BBS2: variants seen among roughly 807,000 people sequenced by gnomAD.
BBS2 encodes the protein Bardet-Biedl syndrome 2.
Under a neutral mutation model 83.0 loss-of-function variants are expected in BBS2, and 62 were observed. The observed-to-expected ratio is 0.75, with a 90% CI of 0.61 to 0.92. The LOEUF (loss-of-function observed/expected upper bound fraction) is 0.92, where lower values mean the gene tolerates loss of function less well. BBS2 is among the 40% of genes least tolerant of loss of function. BBS2 has a pLI of 0.00. For synonymous variants in BBS2, 303 were observed against 326.1 expected (o/e 0.93, Z 0.76); for missense variants, 784 against 901.0 (o/e 0.87, Z 1.66).
At chr16:56,474,704 A>T in intron 17 of BBS2, 1 of 698,322 alleles carries the variant, frequency 1.4e-6, no homozygotes, top group Non-Finnish European at 2.3e-6. Context: ...TAGCACTTCA[A>T]TCAAAGGTTT....
At chr16:56,502,091 T>C (rs1201785370) in intron 9 of BBS2, 5 of 624,312 alleles carry the variant, frequency 8.0e-6, no homozygotes, top group South Asian at 1.8e-5. Context: ...TATAAATAAA[T>C]AGTGCTGCAG....
intron 2 of BBS2, among the ~76,000 whole-genome samples, chr16:56,511,662 A>G (rs1195039921): frequency 6.6e-6 from 1 of 152,154 alleles, no homozygotes; most frequent in African/African-American, 2.4e-5. Context: ...AGGCTCCACA[A>G]CTGCATAAGC....
Position 56,505,971 on chromosome 16 carries a change from T to TATC in BBS2, c.780_782dup (p.Leu260_Ile261insMet), listed in dbSNP as rs769287574. On this transcript the variant is annotated inframe_insertion, in exon 7 of 17. Coordinates refer to ENST00000245157, the MANE Select transcript of BBS2 (RefSeq NM_031885.5). Reference sequence around the variant, plus strand: ...TTACCTTCCCATTGGACCAACCAGTTATCAGTTCATTCACTCCATCAGAAT... The same window carrying TATC: ...TTACCTTCCCATTGGACCAACCAGTTATCATCAGTTCATTCACTCCATCAGAAT... 6.2e-6 allele frequency: 10 copies of TATC among 1,613,964 alleles called. No individual in the cohort carries two copies. The highest frequency in any genetic ancestry group is 8.5e-6 in the Non-Finnish European group (10 of 1,179,874).
At chr16:56,508,654 T>G (rs1964492928) in intron 5 of BBS2, among the ~76,000 whole-genome samples, 1 of 92,026 alleles carries the variant, frequency 1.1e-5, no homozygotes, top group South Asian at 4.7e-4. Flanking sequence ...CTTAAAAATT[T>G]TATTTTTGAG....
Position 56,514,598 on chromosome 16 carries a change from G to A in BBS2, c.200C>T (p.Ser67Phe). Residue 67 changes from serine to phenylalanine, a missense_variant, in exon 2 of 17, where the codon TCT becomes TTT. Physicochemically the swap from Ser to Phe is radical, Grantham distance 155. Transcript: ENST00000245157. Reference protein sequence around the residue: ...VFQSPLESDVSLLSINQAVSC... With the variant: ...VFQSPLESDVFLLSINQAVSC... Reference sequence around the variant, plus strand: ...GACTGCCTGGTTAATGCTGAGAAGAGAAACATCAGATTCCAGGGGGCTCTG... The same window carrying A: ...GACTGCCTGGTTAATGCTGAGAAGAAAAACATCAGATTCCAGGGGGCTCTG... 3.1e-6 allele frequency: 5 copies of A among 1,614,168 alleles called. No homozygotes were observed. The South Asian group carries it at 5.5e-5, about 18-fold the overall frequency.
Position 56,496,890 on chromosome 16 carries a change from G to T in BBS2, c.1910+77C>A, listed in dbSNP as rs566712248. On this transcript the variant is annotated intron_variant, in intron 15 of 16. Coordinates refer to ENST00000245157, the MANE Select transcript of BBS2 (RefSeq NM_031885.5). Reference sequence around the variant, plus strand: ...ACTGTAACAATTTATACTTCTATTGGTAACATCTGAGAGTTGCTATTCCAT... The same window carrying T: ...ACTGTAACAATTTATACTTCTATTGTTAACATCTGAGAGTTGCTATTCCAT... 1.9e-4 allele frequency: 197 copies of T among 1,042,322 alleles called. 1 individual carries two copies. In the East Asian group the frequency reaches 4.6e-3, roughly 24 times the overall value. 64.6% of individuals were successfully genotyped at this position (1,042,322 alleles called of 1,614,324 possible).
At chr16:56,495,437 T>C (rs1359739748) in intron 15 of BBS2, among the ~76,000 whole-genome samples, 1 of 152,184 alleles carries the variant, frequency 6.6e-6, no homozygotes, top group Non-Finnish European at 1.5e-5. Context: ...ATTATCTTTC[T>C]ATACAGGGGA....
chr16:56,486,106 A>G (rs1283849840), intron 15 of BBS2, among the ~76,000 whole-genome samples: 6 of 152,208 alleles, frequency 3.9e-5, no homozygotes, highest in Non-Finnish European at 7.3e-5. Flanking sequence ...TCAGCCTTGT[A>G]TTTTATCAAA....
chr16:56,497,546 C>G, intron 14 of BBS2, 197 bp downstream of exon 14: 1 of 666,318 alleles, frequency 1.5e-6, no homozygotes, highest in Non-Finnish European at 2.5e-6. Context: ...GCATGGTGCT[C>G]AGGAGCTAAA....
downstream of BBS2, among the ~76,000 whole-genome samples, chr16:56,484,083 T>G (rs1490186056): frequency 6.6e-6 from 1 of 150,840 alleles, no homozygotes; most frequent in Non-Finnish European, 1.5e-5. Flanking sequence ...CTAGGCTCAT[T>G]GCAACCTCTG....
Position 56,502,762 on chromosome 16 carries a change from T to C in BBS2, c.851A>G (p.Asn284Ser), listed in dbSNP as rs377749641. Reference sequence around the variant, plus strand: ...CACACCGGCAATTGCAGAAGAAAAATTGTCCTTAAAGATGACCTCCCCAGT... The same window carrying C: ...CACACCGGCAATTGCAGAAGAAAAACTGTCCTTAAAGATGACCTCCCCAGT... The part of the protein sequence containing the change: ...DRTGEVIFKD[N>S]FSSAIAGVVE... The change falls in exon 8 of 17, where the codon AAT becomes AGT. Residue 284 changes from asparagine (N) to serine (S), a missense_variant. By Grantham distance (46) the Asn-to-Ser change is conservative (BLOSUM62 1). Coordinates refer to ENST00000245157, the MANE Select transcript of BBS2 (RefSeq NM_031885.5). The C allele has an allele frequency of 1.5e-5, 24 of 1,613,960 alleles. No individual in the cohort carries two copies. Among genetic ancestry groups the C allele is most frequent in the East Asian group, 2.2e-5 (1 of 44,882 alleles).
chr16:56,514,083 T>C (rs1365313491), intron 2 of BBS2, among the ~76,000 whole-genome samples: 1 of 152,238 alleles, frequency 6.6e-6, no homozygotes, highest in Non-Finnish European at 1.5e-5. Context: ...CAGCAGCCTG[T>C]AGGTGGCAGG....
intron 9 of BBS2, chr16:56,501,729 C>T: frequency 1.8e-6 from 1 of 561,762 alleles, no homozygotes; most frequent in Non-Finnish European, 3.1e-6. Flanking sequence ...TCCACTGTAT[C>T]CCATCATGAC....
downstream of BBS2, among the ~76,000 whole-genome samples, chr16:56,481,926 C>T (rs1404593079): frequency 6.6e-6 from 1 of 152,148 alleles, no homozygotes; most frequent in Non-Finnish European, 1.5e-5. Context: ...GTACAGGACA[C>T]TCTGTCTTAG....
intron 1 of BBS2, among the ~76,000 whole-genome samples, chr16:56,515,547 A>G (rs191034554): frequency 6.6e-6 from 1 of 152,306 alleles, no homozygotes; most frequent in East Asian, 1.9e-4. Flanking sequence ...GGTTGGGAGG[A>G]TGAAAAACAC....
chr16:56,513,304 A>G (rs1597026594), intron 2 of BBS2, among the ~76,000 whole-genome samples: 1 of 152,364 alleles, frequency 6.6e-6, no homozygotes, highest in East Asian at 1.9e-4. Flanking sequence ...AACAACATGG[A>G]ACGGTTAAAC....
chr16:56,510,301 A>G (rs1188490321), intron 4 of BBS2, among the ~76,000 whole-genome samples: 2 of 152,184 alleles, frequency 1.3e-5, no homozygotes, highest in Admixed American at 1.3e-4. Flanking sequence ...GAGTACCTGA[A>G]AAGGCTCCCT....
Position 56,484,745 on chromosome 16 carries a change from C to T in BBS2, c.*16G>A, listed in dbSNP as rs1279152030. ...AAAATCTTTGCCAGGAACTTCATGA[C>T]CTGTATTTTCCTCACCTAGGAAGAA... is the stretch of plus-strand genomic sequence containing the variant. On this transcript the variant is annotated 3_prime_UTR_variant, in exon 17 of 17. Coordinates refer to ENST00000245157, the MANE Select transcript of BBS2 (RefSeq NM_031885.5). 1.2e-6 allele frequency: 2 copies of T among 1,607,016 alleles called. No individual in the cohort carries two copies. The highest frequency in any genetic ancestry group is 8.5e-7 in the Non-Finnish European group (1 of 1,173,878).
chr16:56,487,774 C>G (rs551765881), intron 15 of BBS2, among the ~76,000 whole-genome samples: 1 of 152,252 alleles, frequency 6.6e-6, no homozygotes, highest in Non-Finnish European at 1.5e-5. Context: ...AAAGAACAAA[C>G]AAGCACAAGT....
Sources: allele counts gnomAD v4.1 joint callset (sites outside exome capture counted in the v4.1 genomes callset), GRCh38; gene constraint gnomAD v4.1.1; transcripts MANE v1.5; gene names NCBI Gene and HGNC (gene_info 2026-07-23, HGNC 2026-07-21).